ACSM6: variants seen among roughly 807,000 people sequenced by gnomAD.
The protein encoded by ACSM6 is acyl-CoA synthetase medium chain family member 6.
ACSM6 carries 35 observed loss-of-function variants against 51.1 expected under a neutral mutation model. The observed-to-expected ratio is 0.69, with a 90% CI of 0.52 to 0.91. ACSM6 has a LOEUF of 0.91. Among genes scored for constraint, ACSM6 ranks in the 40% least tolerant of loss-of-function variants. The pLI is 0.00. For missense variants in ACSM6, 509 were observed against 584.1 expected (o/e 0.87, Z 1.32); for synonymous variants, 172 against 207.3 (o/e 0.83, Z 1.46).
chr10:95,209,124 G>T (rs779724632), intron 4 of ACSM6, among the ~76,000 whole-genome samples: 1 of 152,036 alleles, frequency 6.6e-6, no homozygotes, highest in Non-Finnish European at 1.5e-5. Flanking sequence ...GGAGATGGGG[G>T]AATGATTTTA....
Position 95,194,319 on chromosome 10 carries a change from C to G in ACSM6, c.-22+16C>G. 1 of 633,298 alleles carries G rather than the reference C, an allele frequency of 1.6e-6. No individual in the cohort carries two copies. The highest frequency in any genetic ancestry group is 2.7e-6 in the Non-Finnish European group (1 of 376,182). The allele number at this position is 633,298 out of a possible 1,614,324, so 39.2% of individuals were successfully genotyped here. A position where few individuals can be genotyped will look rare whatever the true frequency, so the allele number is the denominator to read the frequency against. ...CTTGGAATTGGTAAGTATCTGTGCTCATGGGCTTCTTCTCCAATGATCTGA... is the reference window on the plus strand; with the variant it reads ...CTTGGAATTGGTAAGTATCTGTGCTGATGGGCTTCTTCTCCAATGATCTGA... On this transcript the variant is annotated intron_variant, in intron 1 of 10. Coordinates refer to ENST00000341686, the Ensembl canonical transcript of ACSM6.
intron 3 of ACSM6, among the ~76,000 whole-genome samples, chr10:95,204,801 C>T (rs2034826926): frequency 6.6e-6 from 1 of 152,064 alleles, no homozygotes; most frequent in African/African-American, 2.4e-5. Flanking sequence ...CTGAATATGA[C>T]ACCAGATACC....
Position 95,202,162 on chromosome 10 carries a change from GC to G in ACSM6, c.372del (p.Tyr125ThrfsTer21), listed in dbSNP as rs1445006758. On this transcript the variant is annotated frameshift_variant, in exon 3 of 11. Transcript: ENST00000341686. LOFTEE classifies it high-confidence loss of function. ...GATAATCTTGCCCCCAACACCTGAA[GC>G]CTACTGGATCTGCCTGGCCTGTGTG... 1 of 1,552,252 alleles carries G rather than the reference GC, an allele frequency of 6.4e-7. No homozygotes were observed. The highest frequency in any genetic ancestry group is 8.7e-7 in the Non-Finnish European group (1 of 1,147,118).
rs150886082 is a variant in ACSM6 at position 95,210,785 on chromosome 10, G to A, written c.747G>A (p.Gln249=). Residue 249 remains glutamine, a synonymous_variant, in exon 5 of 11, where the codon CAG becomes CAA. Transcript: ENST00000341686. ...ATGGTTTGGGAATGGGATTCAGCCA[G>A]GCTTCCAGGTACGGTTCTCGCACAG... is the stretch of plus-strand genomic sequence containing the variant. 2.4e-4 allele frequency: 380 copies of A among 1,613,750 alleles called. 1 individual carries two copies. In the African/African-American group the frequency reaches 4.2e-3, roughly 18 times the overall value.
At chr10:95,221,209 A>C (rs1359283743) in intron 9 of ACSM6, among the ~76,000 whole-genome samples, 2 of 152,228 alleles carry the variant, frequency 1.3e-5, no homozygotes, top group Non-Finnish European at 2.9e-5. Context: ...TACACAAAGA[A>C]ATAAAATCAG....
intron 3 of ACSM6, 61 bp from the exon 4 acceptor site, chr10:95,207,147 T>C: frequency 6.5e-7 from 1 of 1,532,530 alleles, no homozygotes; most frequent in Non-Finnish European, 9.0e-7. Flanking sequence ...GCCAGAATGC[T>C]TGAGGAAAAA....
At chr10:95,202,234 A>C in intron 3 of ACSM6, 39 bp downstream of exon 3, 1 of 1,472,884 alleles carries the variant, frequency 6.8e-7, no homozygotes, top group Non-Finnish European at 9.3e-7. Flanking sequence ...TTGGAGGCTT[A>C]TGTGAATCCC....
At chr10:95,202,042 G>C (rs2034798734) in exon 3 of ACSM6, 1 of 1,551,828 alleles carries the variant, frequency 6.4e-7, no homozygotes. Context: ...AGGAGAAGAG[G>C]ACAAATGGAG....
intron 7 of ACSM6, 35 bp downstream of exon 7, chr10:95,212,975 C>A: frequency 6.6e-7 from 1 of 1,522,314 alleles, no homozygotes; most frequent in Non-Finnish European, 9.1e-7. Context: ...AGTCCATTTC[C>A]ACTCATGGTA....
At chr10:95,223,685 G>C (rs1028953134) in intron 9 of ACSM6, among the ~76,000 whole-genome samples, 2 of 151,958 alleles carry the variant, frequency 1.3e-5, no homozygotes, top group Admixed American at 1.3e-4. Context: ...TTCTCAACCT[G>C]ACAAAGAGCA....
At chr10:95,225,526 A>G (rs1332434686) in intron 10 of ACSM6, 135 bp downstream of exon 10, 2 of 577,672 alleles carry the variant, frequency 3.5e-6, no homozygotes, top group African/African-American at 3.8e-5. Flanking sequence ...AGTCTCCAAA[A>G]ATGTTAAATA....
At chr10:95,202,131 G>A in exon 3 of ACSM6, 5 of 1,552,244 alleles carry the variant, frequency 3.2e-6, no homozygotes, top group Non-Finnish European at 4.4e-6. Flanking sequence ...ATGGAGACCG[G>A]CTGATGATAA....
At chr10:95,197,243 G>C (rs149553437) in intron 2 of ACSM6, among the ~76,000 whole-genome samples, 1 of 152,136 alleles carries the variant, frequency 6.6e-6, no homozygotes, top group Non-Finnish European at 1.5e-5. Context: ...TAGTCGGGTG[G>C]GACGAGAGAC....
chr10:95,209,404 G>A (rs17524348), intron 4 of ACSM6, among the ~76,000 whole-genome samples: 11,814 of 152,192 alleles, frequency 0.078, 583 homozygotes, highest in Middle Eastern at 0.15. Context: ...GAGTCGTCTA[G>A]GAAACACTAA....
Position 95,212,960 on chromosome 10 carries a change from G to T in ACSM6, c.995+20G>T, listed in dbSNP as rs1265206340. ...CACCAGGTAAGAGAGGATCCCTCAG[G>T]AGAGAGTCCATTTCCACTCATGGTA... On this transcript the variant is annotated intron_variant, in intron 7 of 10. Transcript: ENST00000341686. 3.2e-6 allele frequency: 5 copies of T among 1,573,956 alleles called. No individual in the cohort carries two copies. Among genetic ancestry groups the T allele is most frequent in the Non-Finnish European group, 4.4e-6 (5 of 1,143,590 alleles).
intron 2 of ACSM6, among the ~76,000 whole-genome samples, chr10:95,198,847 GTTATA>G (rs1375961972): frequency 1.3e-5 from 2 of 152,076 alleles, no homozygotes; most frequent in Non-Finnish European, 2.9e-5. Context: ...AATTCTCATT[GTTATA>G]ATAAGAAACT....
At chr10:95,212,610 G>A (rs1025715039) in intron 6 of ACSM6, among the ~76,000 whole-genome samples, 5 of 152,154 alleles carry the variant, frequency 3.3e-5, no homozygotes, top group Non-Finnish European at 5.9e-5. Flanking sequence ...TAAATGCCTC[G>A]CTGTGTATGC....
chr10:95,198,068 A>G (rs201253712), intron 2 of ACSM6, among the ~76,000 whole-genome samples: 2 of 152,218 alleles, frequency 1.3e-5, no homozygotes, highest in South Asian at 4.1e-4. Context: ...GGGTCAAAGT[A>G]GCTGGGGCAA....
In ACSM6 at chr10:95,227,450, C is replaced by T. The variant is rs572786936; in HGVS notation, c.1303-1194C>T. On this transcript the variant is annotated intron_variant, in intron 10 of 10. Coordinates refer to ENST00000341686, the Ensembl canonical transcript of ACSM6. ...TTTAAATGCCTCTTTGAGTATCTCTCGTGGAGTTTTTGAGTTAAAGCCTAG... is the reference window on the plus strand; with the variant it reads ...TTTAAATGCCTCTTTGAGTATCTCTTGTGGAGTTTTTGAGTTAAAGCCTAG... 1.1e-4 allele frequency among the ~76,000 whole-genome samples: 17 copies of T among 152,188 alleles called. No homozygotes were observed. The South Asian group carries it at 1.9e-3, about 17-fold the overall frequency.
Sources: gnomAD v4.1 joint callset for allele counts (sites outside exome capture counted in the v4.1 genomes callset) on GRCh38, gnomAD v4.1.1 for gene constraint, MANE v1.5 for transcripts, NCBI Gene and HGNC (gene_info 2026-07-23, HGNC 2026-07-21) for gene names.